ARHGAP20: variants seen among roughly 807,000 people sequenced by gnomAD.
The protein encoded by ARHGAP20 is Rho GTPase activating protein 20.
Under a neutral mutation model 73.7 loss-of-function variants are expected in ARHGAP20, and 34 were observed. The observed-to-expected ratio is 0.46, with a 90% CI of 0.35 to 0.61. The LOEUF (loss-of-function observed/expected upper bound fraction) is 0.61. Ranked by LOEUF, ARHGAP20 falls within the 20% of genes least tolerant of loss-of-function variation. The pLI, the probability that ARHGAP20 is intolerant of heterozygous loss-of-function variation, is 0.00. For missense variants in ARHGAP20, 1,314 were observed against 1,420.9 expected (o/e 0.92, Z 1.21); for synonymous variants, 523 against 518.2 (o/e 1.01, Z -0.13).
At chr11:110,684,353 A>G (rs1171033276) in intron 2 of ARHGAP20, among the ~76,000 whole-genome samples, 1 of 152,172 alleles carries the variant, frequency 6.6e-6, no homozygotes, top group Non-Finnish European at 1.5e-5. Context: ...TCTTTCTTAA[A>G]AAAGGGAAAA....
chr11:110,711,666 G>A, intron 1 of ARHGAP20: 1 of 1,464,130 alleles, frequency 6.8e-7, no homozygotes, highest in South Asian at 1.3e-5. Context: ...ACCTTCTTCA[G>A]CGCCGGCTGC....
rs1403392487 is a variant in ARHGAP20 at position 110,577,510 on chromosome 11, C to G, written c.*1860G>C. On this transcript the variant is annotated 3_prime_UTR_variant, in exon 15 of 15. Coordinates refer to ENST00000683387, the MANE Select transcript of ARHGAP20 (RefSeq NM_001384657.1). Reference sequence around the variant, plus strand: ...AGGCAATTTCTTCCAGAAAGACACTCCAAGCCGTTAAGAGCTTCATTCACA... The same window carrying G: ...AGGCAATTTCTTCCAGAAAGACACTGCAAGCCGTTAAGAGCTTCATTCACA... The G allele has an allele frequency of 2.0e-6, 2 of 1,004,562 alleles. No homozygotes were observed. The highest frequency in any genetic ancestry group is 2.4e-6 in the Non-Finnish European group (2 of 842,828). 62.2% of individuals were successfully genotyped at this position (1,004,562 alleles called of 1,614,324 possible).
At chr11:110,624,625 T>C (rs1013476521) in intron 3 of ARHGAP20, among the ~76,000 whole-genome samples, 7 of 142,148 alleles carry the variant, frequency 4.9e-5, no homozygotes, top group African/African-American at 2.0e-4. Context: ...ACATGTATCC[T>C]GTTTTTTTTT....
chr11:110,656,730 T>A (rs190620507), intron 2 of ARHGAP20, among the ~76,000 whole-genome samples: 1 of 152,340 alleles, frequency 6.6e-6, no homozygotes, highest in African/African-American at 2.4e-5. Context: ...GCTCAGCCAC[T>A]GAGGTGGGCT....
In ARHGAP20 at chr11:110,580,253, A is replaced by T. The variant is rs1947414466; in HGVS notation, c.2693T>A (p.Leu898His). ...HKSLQMEGQK[L>H]INQSLVMGIE... ...CCCCATGACTAAACTCTGATTAATG[A>T]GCTTCTGCCCCTCCATTTGCAAAGA... The change falls in exon 15 of 15, where the codon CTC becomes CAC. Residue 898 changes from leucine (L) to histidine (H), a missense_variant. Around this residue, in one of 3 missense-constraint regions of ARHGAP20, gnomAD observed 641 missense variants for 636.9 expected, o/e 1.01. Transcript: ENST00000683387. 1 of 1,614,166 alleles carries T rather than the reference A, an allele frequency of 6.2e-7. No homozygotes were observed. The highest frequency in any genetic ancestry group is 8.5e-7 in the Non-Finnish European group (1 of 1,180,032).
chr11:110,589,429 C>G (rs1294277519), intron 11 of ARHGAP20: 1 of 985,282 alleles, frequency 1.0e-6, no homozygotes, highest in African/African-American at 1.7e-5. Context: ...CACCTGGGCA[C>G]TCAGCTGGAG....
intron 2 of ARHGAP20, among the ~76,000 whole-genome samples, chr11:110,637,919 A>G (rs1187094309): frequency 1.3e-5 from 2 of 152,144 alleles, no homozygotes; most frequent in African/African-American, 4.8e-5. Flanking sequence ...TAACTGGAAA[A>G]TTCAGAAAGG....
intron 1 of ARHGAP20, among the ~76,000 whole-genome samples, chr11:110,703,435 C>T (rs1266980676): frequency 6.6e-6 from 1 of 151,564 alleles, no homozygotes; most frequent in Non-Finnish European, 1.5e-5. Flanking sequence ...AAAATGGACA[C>T]AATACCTGCC....
At chr11:110,660,901 G>A (rs1949596005) in intron 2 of ARHGAP20, among the ~76,000 whole-genome samples, 1 of 152,082 alleles carries the variant, frequency 6.6e-6, no homozygotes, top group African/African-American at 2.4e-5. Flanking sequence ...TACTTGCTCT[G>A]TAACCTTAGG....
At chr11:110,652,649 G>A (rs1180410775) in intron 2 of ARHGAP20, among the ~76,000 whole-genome samples, 1 of 151,998 alleles carries the variant, frequency 6.6e-6, no homozygotes, top group East Asian at 1.9e-4. Context: ...GCTACAAAGA[G>A]AATAAAATAC....
intron 2 of ARHGAP20, among the ~76,000 whole-genome samples, chr11:110,635,283 G>A (rs1474080320): frequency 6.6e-6 from 1 of 152,024 alleles, no homozygotes; most frequent in Non-Finnish European, 1.5e-5. Flanking sequence ...CAGGGAACAT[G>A]TTTTAAAAAT....
intron 4 of ARHGAP20, among the ~76,000 whole-genome samples, chr11:110,619,433 T>G (rs1231171468): frequency 6.6e-6 from 1 of 151,784 alleles, no homozygotes. Flanking sequence ...GTAGAGTATA[T>G]GCAGTGATAG....
At chr11:110,636,863 T>C (rs1432834798) in intron 2 of ARHGAP20, among the ~76,000 whole-genome samples, 1 of 151,970 alleles carries the variant, frequency 6.6e-6, no homozygotes, top group Non-Finnish European at 1.5e-5. Flanking sequence ...GTGTTTATTT[T>C]ACTCTTTTAG....
intron 9 of ARHGAP20, among the ~76,000 whole-genome samples, chr11:110,594,077 C>T (rs1229656356): frequency 6.6e-4 from 100 of 152,216 alleles, no homozygotes; most frequent in Non-Finnish European, 1.0e-4. Flanking sequence ...AAGAAGTCTT[C>T]TATATTGTTG....
At chr11:110,651,950 G>C (rs745382082) in intron 2 of ARHGAP20, among the ~76,000 whole-genome samples, 8 of 152,022 alleles carry the variant, frequency 5.3e-5, no homozygotes, top group Non-Finnish European at 1.2e-4. Context: ...GAAAACTTCA[G>C]GTCAATATAC....
intron 9 of ARHGAP20, among the ~76,000 whole-genome samples, chr11:110,598,139 C>T (rs1948017188): frequency 6.6e-6 from 1 of 150,386 alleles, no homozygotes. Context: ...TCTACTCCGG[C>T]CATGTAACTC....
At chr11:110,682,180 C>G (rs1179165572) in intron 2 of ARHGAP20, among the ~76,000 whole-genome samples, 3 of 152,138 alleles carry the variant, frequency 2.0e-5, no homozygotes, top group African/African-American at 7.2e-5. Context: ...TTTTTAATTT[C>G]CCATCTGCTA....
rs370220401 is a variant in ARHGAP20 at position 110,648,154 on chromosome 11, AAT to A, written c.189-17364_189-17363del. On this transcript the variant is annotated intron_variant, in intron 2 of 14. Coordinates refer to ENST00000683387, the MANE Select transcript of ARHGAP20 (RefSeq NM_001384657.1). ...CCCAAACTCGGTCAGTGATATATAT[AAT>A]ATATATATATATGTAAATATATATA... is the stretch of plus-strand genomic sequence containing the variant. Among the ~76,000 whole-genome samples, 924 of 131,226 alleles carry A rather than the reference AAT, an allele frequency of 7.0e-3. 8 individuals carry two copies. The highest frequency in any genetic ancestry group is 0.015 in the African/African-American group (511 of 34,972). 86.1% of individuals were successfully genotyped at this position (131,226 alleles called of 152,430 possible).
chr11:110,580,662 C>A lies in ARHGAP20; in HGVS notation c.2284G>T (p.Val762Phe). The change falls in exon 15 of 15, where the codon GTC (valine) becomes TTC (phenylalanine). Residue 762 changes from valine to phenylalanine, a missense_variant. By Grantham distance (50) the Val-to-Phe change is conservative (BLOSUM62 -1). Coordinates refer to ENST00000683387, the MANE Select transcript of ARHGAP20 (RefSeq NM_001384657.1). The stretch of plus-strand genomic sequence containing the variant: ...TTCTTGCTGACATCAGTGCCTGTGA[C>A]TAAACTCTGTTTAAAACATGTCTTT... ...EGKTCFKQSL[V>F]TGTDVSKKNA... 6.2e-7 allele frequency: 1 copy of A among 1,614,148 alleles called. No homozygotes were observed. The highest frequency in any genetic ancestry group is 8.5e-7 in the Non-Finnish European group (1 of 1,180,008).
Sources: gnomAD v4.1 joint callset for allele counts (sites outside exome capture counted in the v4.1 genomes callset) on GRCh38, gnomAD v4.1.1 for gene constraint, gnomAD v4.1.1 regional missense constraint, MANE v1.5 for transcripts, NCBI Gene and HGNC (gene_info 2026-07-23, HGNC 2026-07-21) for gene names.